Variants in GRIN2B observed in about 807,000 individuals in gnomAD.
GRIN2B encodes the protein glutamate ionotropic receptor NMDA type subunit 2B.
GRIN2B carries 5 observed loss-of-function variants against 114.5 expected under a neutral mutation model. The observed-to-expected ratio is 0.04, with a 90% CI of 0.02 to 0.09. The LOEUF is 0.09. Ranked by LOEUF, GRIN2B falls within the 10% of genes least tolerant of loss-of-function variation. The pLI is 1.00. For synonymous variants in GRIN2B, 787 were observed against 745.1 expected (o/e 1.06, Z -0.92); for missense variants, 1,108 against 1,943.5 (o/e 0.57, Z 8.08).
intron 5 of GRIN2B, among the ~76,000 whole-genome samples, chr12:13,624,870 C>T (rs1041913452): frequency 6.6e-6 from 1 of 152,216 alleles, no homozygotes; most frequent in Non-Finnish European, 1.5e-5. Flanking sequence ...CTCTGAGTGA[C>T]TCTTCTTCGC....
At chr12:13,849,964 C>G (rs1865531237) in intron 3 of GRIN2B, among the ~76,000 whole-genome samples, 1 of 152,102 alleles carries the variant, frequency 6.6e-6, no homozygotes, top group Admixed American at 6.5e-5. Flanking sequence ...ACCTGAATAC[C>G]CCTCTTGCAG....
At chr12:13,674,099 C>A (rs1565495937) in intron 5 of GRIN2B, among the ~76,000 whole-genome samples, 1 of 152,046 alleles carries the variant, frequency 6.6e-6, no homozygotes, top group South Asian at 2.1e-4. Context: ...GTGGCACACA[C>A]CTGTAATTCC....
intron 2 of GRIN2B, among the ~76,000 whole-genome samples, chr12:13,881,356 A>G (rs1028872214): frequency 1.3e-5 from 2 of 149,944 alleles, no homozygotes; most frequent in Non-Finnish European, 3.0e-5. Flanking sequence ...CTCTTCCTCT[A>G]CTCTCTTCCC....
chr12:13,769,482 T>C (rs1005768350), intron 3 of GRIN2B, among the ~76,000 whole-genome samples: 3 of 152,176 alleles, frequency 2.0e-5, no homozygotes, highest in East Asian at 1.9e-4. Flanking sequence ...TGTAAGGGTA[T>C]ACATTTGCAG....
intron 3 of GRIN2B, among the ~76,000 whole-genome samples, chr12:13,793,357 G>T (rs1864353264): frequency 6.6e-6 from 1 of 151,688 alleles, no homozygotes. Context: ...AGAGGCGGAG[G>T]TTGCAGTGAG....
chr12:13,679,748 G>T (rs1485076126), intron 4 of GRIN2B, among the ~76,000 whole-genome samples: 1 of 152,120 alleles, frequency 6.6e-6, no homozygotes, highest in East Asian at 1.9e-4. Context: ...TTGAATAGCA[G>T]AACAAACCCA....
At chr12:13,696,558 C>T (rs578007893) in intron 4 of GRIN2B, among the ~76,000 whole-genome samples, 2 of 152,288 alleles carry the variant, frequency 1.3e-5, no homozygotes, top group Non-Finnish European at 2.9e-5. Flanking sequence ...ACCATGCAGT[C>T]TCACCGCCAC....
intron 3 of GRIN2B, among the ~76,000 whole-genome samples, chr12:13,810,101 C>A (rs557848219): frequency 2.0e-5 from 3 of 152,302 alleles, no homozygotes; most frequent in East Asian, 1.9e-4. Context: ...TTCCAAGAGA[C>A]CTTCCCTACC....
intron 5 of GRIN2B, chr12:13,670,459 T>C (rs949853797): frequency 6.6e-5 from 10 of 152,292 alleles, no homozygotes; most frequent in Admixed American, 4.6e-4. Flanking sequence ...TCATCATTTC[T>C]TGAAGTCATT....
chr12:13,544,946 CTA>C lies in GRIN2B; in HGVS notation c.*17835_*17836del, dbSNP rs1948325217. 6.6e-6 allele frequency: 1 copy of C among 152,290 alleles called. No homozygotes were observed. Among genetic ancestry groups the C allele is most frequent in the Non-Finnish European group, 1.5e-5 (1 of 68,126 alleles). 9.4% of individuals were successfully genotyped at this position (152,290 alleles called of 1,614,324 possible). On this transcript the variant is annotated 3_prime_UTR_variant, in exon 14 of 14. Transcript: ENST00000609686. Reference sequence around the variant, plus strand: ...TCAACTGAAGTCAGATCATATCACTCTATGCTCCGAACCTTCTAGCAACTTCT... The same window carrying C: ...TCAACTGAAGTCAGATCATATCACTCTGCTCCGAACCTTCTAGCAACTTCT...
At chr12:13,821,510 G>A (rs939963691) in intron 3 of GRIN2B, among the ~76,000 whole-genome samples, 2 of 152,164 alleles carry the variant, frequency 1.3e-5, no homozygotes, top group African/African-American at 4.8e-5. Flanking sequence ...TTTAGTTAAT[G>A]GCCAGGTGAG....
At chr12:13,806,763 C>T (rs947525420) in intron 3 of GRIN2B, among the ~76,000 whole-genome samples, 3 of 152,012 alleles carry the variant, frequency 2.0e-5, no homozygotes, top group Non-Finnish European at 4.4e-5. Context: ...GTTGCTCATG[C>T]TTTGGGGATC....
intron 3 of GRIN2B, among the ~76,000 whole-genome samples, chr12:13,771,394 AC>A (rs1407256129): frequency 6.6e-6 from 1 of 152,180 alleles, no homozygotes; most frequent in African/African-American, 2.4e-5. Flanking sequence ...GTTTTGATAA[AC>A]CTACACAGTT....
At chr12:13,805,626 G>GT (rs1470615541) in intron 3 of GRIN2B, among the ~76,000 whole-genome samples, 2 of 152,042 alleles carry the variant, frequency 1.3e-5, no homozygotes, top group East Asian at 1.9e-4. Flanking sequence ...AATAAAAATT[G>GT]TATGTATTTA....
chr12:13,921,838 A>C (rs1410034631), intron 2 of GRIN2B, among the ~76,000 whole-genome samples: 1 of 152,150 alleles, frequency 6.6e-6, no homozygotes, highest in East Asian at 1.9e-4. Context: ...GGCATGCGAT[A>C]GATATATTAT....
Position 13,563,716 on chromosome 12 carries a change from G to T in GRIN2B, c.3522C>A (p.Thr1174=), listed in dbSNP as rs747800865. 1.2e-6 allele frequency: 2 copies of T among 1,613,466 alleles called. No homozygotes were observed. Among genetic ancestry groups the T allele is most frequent in the Admixed American group, 1.7e-5 (1 of 60,010 alleles). ...TCCCGTGCTTGATGTGAGACCTGTT[G>T]GTACAGGGCCCTCCTCCGCTGACGG... The part of the protein sequence containing the change: ...RDSVSGGGPC[T]NRSHIKHGTG... Residue 1174 remains threonine (T), a synonymous_variant, in exon 14 of 14, where the codon ACC becomes ACA. Transcript: ENST00000609686.
chr12:13,617,721 G>T (rs1384348306), intron 5 of GRIN2B, among the ~76,000 whole-genome samples: 2 of 152,208 alleles, frequency 1.3e-5, no homozygotes, highest in African/African-American at 2.4e-5. Flanking sequence ...ATGCAAATTA[G>T]TAGAACAGGT....
chr12:13,648,257 C>A (rs989774346), intron 5 of GRIN2B, among the ~76,000 whole-genome samples: 1 of 152,008 alleles, frequency 6.6e-6, no homozygotes, highest in African/African-American at 2.4e-5. Context: ...AGAACTTATT[C>A]CATGCCAGGC....
intron 3 of GRIN2B, among the ~76,000 whole-genome samples, chr12:13,770,554 GCA>G (rs1228515447): frequency 6.6e-6 from 1 of 152,180 alleles, no homozygotes; most frequent in African/African-American, 2.4e-5. Context: ...TTACTTGTTA[GCA>G]CAGATTTAAA....
Sources: gnomAD v4.1 joint callset for allele counts (sites outside exome capture counted in the v4.1 genomes callset) on GRCh38, gnomAD v4.1.1 for gene constraint, MANE v1.5 for transcripts, NCBI Gene and HGNC (gene_info 2026-07-23, HGNC 2026-07-21) for gene names.